SERPINF2: variants seen among roughly 807,000 people sequenced by gnomAD.
SERPINF2 encodes alpha-2-antiplasmin.
In SERPINF2, 15 loss-of-function variants were observed where a neutral mutation model predicts 45.0. The ratio of observed to expected loss-of-function variants is 0.33; its 90% CI spans 0.22 to 0.51. The LOEUF is 0.51. Ranked by LOEUF, SERPINF2 falls within the 20% of genes least tolerant of loss-of-function variation. SERPINF2 has a pLI of 0.97. For missense variants in SERPINF2, 518 were observed against 637.4 expected (o/e 0.81, Z 2.02); for synonymous variants, 283 against 277.9 (o/e 1.02, Z -0.18).
intron 8 of SERPINF2, among the ~76,000 whole-genome samples, chr17:1,749,137 G>A (rs1052502032): frequency 6.6e-6 from 1 of 152,184 alleles, no homozygotes; most frequent in South Asian, 2.1e-4. Flanking sequence ...TGAAAAAGAA[G>A]GTGATTTTGG....
chr17:1,749,721 G>A (rs772292851), intron 8 of SERPINF2, among the ~76,000 whole-genome samples: 5 of 152,096 alleles, frequency 3.3e-5, no homozygotes, highest in African/African-American at 4.8e-5. Context: ...TTTTAGAGTG[G>A]TAAGGGAGAA....
intron 1 of SERPINF2, among the ~76,000 whole-genome samples, chr17:1,743,802 C>T (rs2059511320): frequency 6.6e-6 from 1 of 151,042 alleles, no homozygotes; most frequent in Non-Finnish European, 1.5e-5. Flanking sequence ...GCGGTGGAGG[C>T]TTCAGGGCAG....
rs958140668 is a variant in SERPINF2 at position 1,750,148 on chromosome 17, CGTTT to C, written c.858+1421_858+1424del. On this transcript the variant is annotated intron_variant, in intron 8 of 9. Transcript: ENST00000453066. ...ACCACCACGCCTGGCTAATTTTGTT[CGTTT>C]GTTTGTTTGTTTTTGAGACGGAGTT... Among the ~76,000 whole-genome samples, 10 of 151,400 alleles carry C rather than the reference CGTTT, an allele frequency of 6.6e-5. No individual in the cohort carries two copies. The South Asian group carries it at 1.1e-3, about 16-fold the overall frequency.
chr17:1,752,206 C>T (rs576019974), intron 8 of SERPINF2, among the ~76,000 whole-genome samples: 5 of 152,240 alleles, frequency 3.3e-5, no homozygotes, highest in Non-Finnish European at 5.9e-5. Flanking sequence ...CGCCCGTCAC[C>T]ACAGAAGCCC....
chr17:1,753,016 G>A (rs923927334), intron 9 of SERPINF2, among the ~76,000 whole-genome samples: 1 of 152,220 alleles, frequency 6.6e-6, no homozygotes, highest in Non-Finnish European at 1.5e-5. Context: ...CCAAGACCTC[G>A]CATTGCAAGG....
In SERPINF2 at chr17:1,747,079, G is replaced by A; in HGVS notation, c.428G>A (p.Cys143Tyr). 6.2e-7 allele frequency: 1 copy of A among 1,609,754 alleles called. No homozygotes were observed. ...GTGCTGCACGCAGGCTCAGGGCCCT[G>A]CCTCCCCCATCTGCTGAGCCGCCTC... ...QQVLHAGSGP[C>Y]LPHLLSRLCQ... The change falls in exon 6 of 10, where the codon TGC becomes TAC. Residue 143 changes from cysteine to tyrosine, a missense_variant. Physicochemically the swap from Cys to Tyr is radical, Grantham distance 194 (BLOSUM62 -2). This residue lies in a region of SERPINF2 where 435 missense variants were observed against 577.3 expected (regional missense o/e 0.75). Coordinates refer to ENST00000453066, the MANE Select transcript of SERPINF2 (RefSeq NM_000934.4).
Position 1,752,730 on chromosome 17 carries a change from C to T in SERPINF2, c.1003C>T (p.Arg335Trp), listed in dbSNP as rs199759976. Residue 335 changes from arginine (R) to tryptophan (W), a missense_variant, in exon 9 of 10, where the codon CGG becomes TGG. By Grantham distance (101) the Arg-to-Trp change is moderately radical. Transcript: ENST00000453066. ...PLVWERPTKV[R>W]LPKLYLKHQM... The stretch of plus-strand genomic sequence containing the variant: ...GGTGTGGGAGAGGCCCACCAAGGTC[C>T]GGCTGCCTAAGCTGTATCTGAAACA... 15 of 1,613,938 alleles carry T rather than the reference C, an allele frequency of 9.3e-6. No individual in the cohort carries two copies. Among genetic ancestry groups the T allele is most frequent in the Admixed American group, 3.3e-5 (2 of 59,984 alleles).
chr17:1,752,519 G>A, intron 8 of SERPINF2, 67 bp from the exon 9 acceptor site: 1 of 1,464,078 alleles, frequency 6.8e-7, no homozygotes, highest in Admixed American at 1.7e-5. Flanking sequence ...AGGAGCACCT[G>A]CTGGCCCCAC....
Position 1,754,411 on chromosome 17 carries a change from G to C in SERPINF2, c.1353G>C (p.Pro451=). 1 of 1,613,256 alleles carries C rather than the reference G, an allele frequency of 6.2e-7. No individual in the cohort carries two copies. Among genetic ancestry groups the C allele is most frequent in the Non-Finnish European group, 8.5e-7 (1 of 1,179,350 alleles). The change falls in exon 10 of 10, where the codon CCG becomes CCC. Residue 451 remains proline (P), a synonymous_variant. Coordinates refer to ENST00000453066, the MANE Select transcript of SERPINF2 (RefSeq NM_000934.4). ...PRELKEQQDS[P]GNKDFLQSLK... is the part of the protein sequence containing the mutation. The stretch of plus-strand genomic sequence containing the variant: ...AGCTCAAGGAACAGCAGGATTCCCC[G>C]GGCAACAAGGACTTCCTCCAGAGCC...
intron 9 of SERPINF2, 123 bp from the exon 10 acceptor site, chr17:1,753,999 A>G: frequency 8.9e-7 from 1 of 1,122,804 alleles, no homozygotes; most frequent in Non-Finnish European, 1.3e-6. Context: ...CCGGATAGGA[A>G]TGAAGCAGGT....
intron 8 of SERPINF2, among the ~76,000 whole-genome samples, chr17:1,751,373 C>A (rs952191078): frequency 7.2e-6 from 1 of 139,350 alleles, no homozygotes; most frequent in Non-Finnish European, 1.6e-5. Flanking sequence ...CACTTGAACC[C>A]GGGTGGCAGA....
At chr17:1,752,147 G>A (rs1405699925) in intron 8 of SERPINF2, among the ~76,000 whole-genome samples, 1 of 150,874 alleles carries the variant, frequency 6.6e-6, no homozygotes, top group African/African-American at 2.4e-5. Context: ...TGCCTCCCGG[G>A]TTCAAGCAAT....
intron 7 of SERPINF2, 34 bp downstream of exon 7, chr17:1,747,546 G>T (rs773144356): frequency 6.2e-7 from 1 of 1,605,426 alleles, no homozygotes; most frequent in Non-Finnish European, 8.5e-7. Flanking sequence ...CCCCCACCCT[G>T]TAGGCTGAGC....
chr17:1,745,341 C>G lies in SERPINF2; in HGVS notation c.111C>G (p.Ser37Arg). ...AMEPLGRQLT[S>R]GPNQEQVSPL... ...CTTGCTCCTTTCCGCAGCTAACTAG[C>G]GGGCCGAACCAGGAGCAGGTGTCCC... Residue 37 changes from serine to arginine, a missense_variant, in exon 4 of 10, where the codon AGC (serine) becomes AGG (arginine). By Grantham distance (110) the Ser-to-Arg change is moderately radical. Coordinates refer to ENST00000453066, the MANE Select transcript of SERPINF2 (RefSeq NM_000934.4). This position sits in a 1 kb window ranked among gnomAD's most constrained non-coding sequence, Gnocchi z 6.2. 2 of 1,612,642 alleles carry G rather than the reference C, an allele frequency of 1.2e-6. No individual in the cohort carries two copies. The highest frequency in any genetic ancestry group is 1.7e-6 in the Non-Finnish European group (2 of 1,179,708).
chr17:1,743,349 T>C (rs1448450146), intron 1 of SERPINF2, among the ~76,000 whole-genome samples: 1 of 152,216 alleles, frequency 6.6e-6, no homozygotes, highest in Non-Finnish European at 1.5e-5. Flanking sequence ...CTGGCTGCCT[T>C]GCCACCCATG....
Position 1,754,468 on chromosome 17 carries a change from C to T in SERPINF2, c.1410C>T (p.Phe470=), listed in dbSNP as rs138629993. ...LKGFPRGDKL[F]GPDLKLVPPM... is the part of the protein sequence containing the mutation. ...GCTTCCCCCGCGGAGACAAGCTTTTCGGCCCTGACTTAAAACTTGTGCCCC... is the reference window on the plus strand; with the variant it reads ...GCTTCCCCCGCGGAGACAAGCTTTTTGGCCCTGACTTAAAACTTGTGCCCC... Residue 470 remains phenylalanine, a synonymous_variant, in exon 10 of 10, where the codon TTC becomes TTT. Coordinates refer to ENST00000453066, the MANE Select transcript of SERPINF2 (RefSeq NM_000934.4). The T allele has an allele frequency of 7.7e-5, 124 of 1,607,748 alleles. No individual in the cohort carries two copies. Among genetic ancestry groups the T allele is most frequent in the Admixed American group, 3.2e-4 (19 of 59,264 alleles).
chr17:1,748,827 G>A, intron 8 of SERPINF2, 87 bp downstream of exon 8: 1 of 809,536 alleles, frequency 1.2e-6, no homozygotes, highest in East Asian at 2.4e-5. Flanking sequence ...ACAGGGATGG[G>A]TGGAGGCTGT....
At chr17:1,752,052 GT>G (rs141617641) in intron 8 of SERPINF2, among the ~76,000 whole-genome samples, 7 of 136,944 alleles carry the variant, frequency 5.1e-5, no homozygotes, top group African/African-American at 1.5e-4. Flanking sequence ...CTACAATGTT[GT>G]TTTTTTTCTT....
rs375371946 is a variant in SERPINF2, at chr17:1,754,917, C to G, written c.*383C>G. 3 of 288,826 alleles carry G rather than the reference C, an allele frequency of 1.0e-5. No individual in the cohort carries two copies. Among genetic ancestry groups the G allele is most frequent in the East Asian group, 7.5e-5 (1 of 13,304 alleles). The allele number at this position is 288,826 out of a possible 1,614,324, so 17.9% of individuals were successfully genotyped here. Reference sequence around the variant, plus strand: ...GAGAGGGCTGCCTTTGGACTTGTCCCGGGACACCTAGGCTAGGGTGGGGAG... The same window carrying G: ...GAGAGGGCTGCCTTTGGACTTGTCCGGGGACACCTAGGCTAGGGTGGGGAG... On this transcript the variant is annotated 3_prime_UTR_variant, in exon 10 of 10. Coordinates refer to ENST00000453066, the MANE Select transcript of SERPINF2 (RefSeq NM_000934.4).
Sources: gnomAD v4.1 joint callset for allele counts (sites outside exome capture counted in the v4.1 genomes callset) on GRCh38, gnomAD v4.1.1 for gene constraint, gnomAD v4.1.1 regional missense constraint, Gnocchi (gnomAD v3.1) non-coding constraint, MANE v1.5 for transcripts, NCBI Gene and HGNC (gene_info 2026-07-23, HGNC 2026-07-21) for gene names.